Variants in XKR9 observed in about 807,000 individuals in gnomAD.
XKR9 encodes the protein XK related 9, also known as XK-related protein 9.
Under a neutral mutation model 32.0 loss-of-function variants are expected in XKR9, and 32 were observed. That is an observed-to-expected ratio of 1.00 (90% confidence interval 0.76 to 1.34). The LOEUF is 1.34. Ranked by LOEUF, XKR9 falls within the 40% of genes most tolerant of loss-of-function variation. XKR9 has a pLI of 0.00. For synonymous variants in XKR9, 168 were observed against 143.4 expected (o/e 1.17, Z -1.22); for missense variants, 546 against 429.7 (o/e 1.27, Z -2.39).
chr8:70,832,874 A>G, the XKR9 span, among the ~76,000 whole-genome samples: 1 of 152,144 alleles, frequency 6.6e-6, no homozygotes, highest in Admixed American at 6.5e-5. Flanking sequence ...TATAAGCCCC[A>G]CGAGGAGAAG....
chr8:70,720,645 A>C (rs1806248005), intron 4 of XKR9, among the ~76,000 whole-genome samples: 1 of 152,144 alleles, frequency 6.6e-6, no homozygotes, highest in African/African-American at 2.4e-5. Context: ...CCCAGGGATG[A>C]AGCTGACTTG....
the XKR9 span, among the ~76,000 whole-genome samples, chr8:70,875,419 C>T: frequency 6.6e-6 from 1 of 152,178 alleles, no homozygotes; most frequent in Non-Finnish European, 1.5e-5. Context: ...TAGAGCAGGA[C>T]ACATATTTTG....
chr8:70,754,984 A>G (rs77633125), intron 2 of XKR9, among the ~76,000 whole-genome samples: 10,901 of 151,286 alleles, frequency 0.072, 461 homozygotes, highest in Non-Finnish European at 0.088. Context: ...GCAACCTACA[A>G]AATGGGAGAA....
chr8:70,980,960 T>C, the XKR9 span, among the ~76,000 whole-genome samples: 5 of 152,238 alleles, frequency 3.3e-5, no homozygotes, highest in African/African-American at 9.6e-5. Flanking sequence ...AGGCTAAAAA[T>C]AGGACCTCAA....
In XKR9 at chr8:70,782,484, G is replaced by T. The variant is rs1185792814; in HGVS notation, n.353-6855G>T. Among the ~76,000 whole-genome samples, 4 of 151,768 alleles carry T rather than the reference G, an allele frequency of 2.6e-5. No homozygotes were observed. The East Asian group carries it at 7.8e-4, about 29-fold the overall frequency. On this transcript the variant is annotated intron_variant and non_coding_transcript_variant, in intron 2 of 3. Coordinates refer to the XKR9 transcript ENST00000520273. ...TGTATGCACTACGCTGCATACAGTT[G>T]TAAAAAAAAATTCCTTCTGAGATTT...
chr8:70,958,182 A>G, the XKR9 span, among the ~76,000 whole-genome samples: 2 of 152,162 alleles, frequency 1.3e-5, no homozygotes, highest in South Asian at 2.1e-4. Context: ...GTAGCTTTGT[A>G]ATAGAATGAT....
chr8:70,964,732 A>G, the XKR9 span, among the ~76,000 whole-genome samples: 1 of 152,032 alleles, frequency 6.6e-6, no homozygotes, highest in East Asian at 1.9e-4. Context: ...GAGTTCATTC[A>G]TGATTTGGCT....
the XKR9 span, among the ~76,000 whole-genome samples, chr8:70,880,971 T>C: frequency 2.0e-5 from 3 of 152,224 alleles, no homozygotes; most frequent in Admixed American, 6.5e-5. Flanking sequence ...ACATCACTCA[T>C]CTACAGCCAT....
intron 2 of XKR9, among the ~76,000 whole-genome samples, chr8:70,776,126 G>C (rs547308995): frequency 6.6e-6 from 1 of 152,012 alleles, no homozygotes; most frequent in African/African-American, 2.4e-5. Flanking sequence ...TTGAGAAATG[G>C]TTTCTCTTCC....
At chr8:70,796,366 C>T in the XKR9 span, among the ~76,000 whole-genome samples, 1 of 152,166 alleles carries the variant, frequency 6.6e-6, no homozygotes. Flanking sequence ...TGTTTCTTTA[C>T]AATTGTTCAT....
chr8:70,907,158 CT>C, the XKR9 span, among the ~76,000 whole-genome samples: 1 of 152,048 alleles, frequency 6.6e-6, no homozygotes, highest in South Asian at 2.1e-4. Context: ...GTCACCATTT[CT>C]CATAAAATTT....
At chr8:70,864,901 C>A in the XKR9 span, among the ~76,000 whole-genome samples, 1 of 152,246 alleles carries the variant, frequency 6.6e-6, no homozygotes, top group South Asian at 2.1e-4. Flanking sequence ...TATCAAAAAC[C>A]TTTCAACAGA....
At chr8:70,963,990 T>C in the XKR9 span, among the ~76,000 whole-genome samples, 1 of 152,248 alleles carries the variant, frequency 6.6e-6, no homozygotes, top group African/African-American at 2.4e-5. Flanking sequence ...TTGTCAATTT[T>C]TGCTTTTGTT....
At chr8:70,751,444 T>G (rs1005191582) in intron 2 of XKR9, among the ~76,000 whole-genome samples, 2 of 152,146 alleles carry the variant, frequency 1.3e-5, no homozygotes, top group African/African-American at 2.4e-5. Flanking sequence ...TAATTTTAGG[T>G]GTCAACTTGA....
chr8:70,726,404 C>A (rs1206277486), intron 4 of XKR9, among the ~76,000 whole-genome samples: 1 of 152,178 alleles, frequency 6.6e-6, no homozygotes. Flanking sequence ...ACACTGTAGA[C>A]CTCTTACTTG....
the XKR9 span, among the ~76,000 whole-genome samples, chr8:71,028,954 A>G: frequency 3.3e-5 from 5 of 150,712 alleles, no homozygotes; most frequent in Non-Finnish European, 5.9e-5. Flanking sequence ...TTATGACAGT[A>G]TTAAAGAGTC....
the XKR9 span, among the ~76,000 whole-genome samples, chr8:70,880,059 T>C: frequency 6.6e-6 from 1 of 152,136 alleles, no homozygotes; most frequent in Non-Finnish European, 1.5e-5. Context: ...AAAAGGCCTT[T>C]GACAAAATTC....
At chr8:70,714,040 T>C (rs727377) in intron 4 of XKR9, among the ~76,000 whole-genome samples, 102,554 of 151,840 alleles carry the variant, frequency 0.68, 35,184 homozygotes, top group Admixed American at 0.74. Flanking sequence ...TGCATGCTTA[T>C]GTGGCCTTTC....
At chr8:70,669,842 A>G (rs1266469489) in intron 1 of XKR9, among the ~76,000 whole-genome samples, 2 of 150,578 alleles carry the variant, frequency 1.3e-5, no homozygotes, top group East Asian at 2.0e-4. Flanking sequence ...AATTTTTTGT[A>G]TTTTTAGTAG....
Sources: gnomAD v4.1 joint callset for allele counts (sites outside exome capture counted in the v4.1 genomes callset) on GRCh38, gnomAD v4.1.1 for gene constraint, MANE v1.5 for transcripts, NCBI Gene and HGNC (gene_info 2026-07-23, HGNC 2026-07-21) for gene names.